APC: variants seen among roughly 807,000 people sequenced by gnomAD.
APC encodes the protein adenomatous polyposis coli protein.
A neutral mutation model predicts 247.0 loss-of-function variants in APC; 72 were observed. The ratio of observed to expected loss-of-function variants is 0.29; its 90% CI spans 0.24 to 0.35. The LOEUF (loss-of-function observed/expected upper bound fraction) is 0.35, where lower values mean the gene tolerates loss of function less well. Among genes scored for constraint, APC ranks in the 10% least tolerant of loss-of-function variants. The pLI, the probability that APC is intolerant of heterozygous loss-of-function variation, is 1.00. For missense variants in APC, 3,400 were observed against 3,360.7 expected (o/e 1.01, Z -0.29); for synonymous variants, 1,254 against 1,162.5 (o/e 1.08, Z -1.60).
chr5:112,741,492 C>T (rs908355162), intron 1 of APC, among the ~76,000 whole-genome samples: 2 of 152,192 alleles, frequency 1.3e-5, no homozygotes, highest in Admixed American at 6.5e-5. Flanking sequence ...GCCTTCTCCC[C>T]TTTATTCTCA....
intron 5 of APC, among the ~76,000 whole-genome samples, chr5:112,778,776 C>G (rs1484253182): frequency 1.3e-5 from 2 of 152,118 alleles, no homozygotes; most frequent in Non-Finnish European, 2.9e-5. Flanking sequence ...ATATCCTGAC[C>G]TCGTGATCCA....
At chr5:112,819,369 T>C (rs2149784447) in intron 10 of APC, 25 bp downstream of exon 10, 1 of 1,613,900 alleles carries the variant, frequency 6.2e-7, no homozygotes, top group Non-Finnish European at 8.5e-7. Flanking sequence ...GTGTACATCG[T>C]AGTGCATGTT....
intron 2 of APC, among the ~76,000 whole-genome samples, chr5:112,763,336 G>C (rs1387642480): frequency 6.9e-6 from 1 of 145,748 alleles, no homozygotes; most frequent in Non-Finnish European, 1.5e-5. Flanking sequence ...ATGCAAACTT[G>C]CATTTGATGA....
intron 9 of APC, 103 bp from the exon 10 acceptor site, chr5:112,818,841 TTTTGGCGGGGGGGGTTGTTTTG>T: frequency 2.2e-6 from 2 of 900,698 alleles, no homozygotes; most frequent in South Asian, 1.5e-5. Context: ...TTTGTTTTTT[TTTTGGCGGGGGGGGTTGTTTTG>T]TTTTTTTAGA....
rs2149891493 is a variant in APC, at chr5:112,839,011, G to A, written c.3417G>A (p.Lys1139=). 1.2e-6 allele frequency: 2 copies of A among 1,614,080 alleles called. No individual in the cohort carries two copies. Among genetic ancestry groups the A allele is most frequent in the Non-Finnish European group, 1.7e-6 (2 of 1,180,024 alleles). The change falls in exon 16 of 16, where the codon AAG becomes AAA. Residue 1139 remains lysine (K), a synonymous_variant. Transcript: ENST00000257430. The surrounding 1 kb of genome is among the most constrained non-coding windows in gnomAD (Gnocchi z 5.0). ...AAGAAGATGACTATGAAGATGATAA[G>A]CCTACCAATTATAGTGAACGTTACT... The part of the protein sequence containing the change: ...LCQEDDYEDD[K]PTNYSERYSE...
At position 112,842,309 on chromosome 5, in the gene APC, A is replaced by C; in HGVS notation, c.6715A>C (p.Ser2239Arg). 1 of 1,613,860 alleles carries C rather than the reference A, an allele frequency of 6.2e-7. No individual in the cohort carries two copies. Among genetic ancestry groups the C allele is most frequent in the Non-Finnish European group, 8.5e-7 (1 of 1,179,772 alleles). The change falls in exon 16 of 16, where the codon AGC becomes CGC. Residue 2239 changes from serine (S) to arginine (R), a missense_variant. Physicochemically the swap from Ser to Arg is moderately radical, Grantham distance 110. This residue lies in a region of APC where 1,788 missense variants were observed against 1,649.5 expected (regional missense o/e 1.08). Transcript: ENST00000257430. Reference protein sequence around the residue: ...TMIHIPGVRNSSSSTSPVSKK... With the variant: ...TMIHIPGVRNRSSSTSPVSKK... ...GATTCATATTCCAGGAGTTCGAAAT[A>C]GCTCCTCAAGTACAAGTCCTGTTTC...
rs1321458509 is a variant in APC at position 112,844,810 on chromosome 5, T to G, written c.*684T>G. 2 of 232,188 alleles carry G rather than the reference T, an allele frequency of 8.6e-6. No individual in the cohort carries two copies. Among genetic ancestry groups the G allele is most frequent in the African/African-American group, 4.4e-5 (2 of 45,306 alleles). 14.4% of individuals were successfully genotyped at this position (232,188 alleles called of 1,614,324 possible). Reference sequence around the variant, plus strand: ...CTGTAAAACATTGAATGAAACTATTTTACCTGAACTAGATTTTATCTGAAA... The same window carrying G: ...CTGTAAAACATTGAATGAAACTATTGTACCTGAACTAGATTTTATCTGAAA... On this transcript the variant is annotated 3_prime_UTR_variant, in exon 16 of 16. Coordinates refer to ENST00000257430, the MANE Select transcript of APC (RefSeq NM_000038.6).
At chr5:112,737,875 C>T (rs1752503341), upstream of APC, 4 of 985,514 alleles carry the variant, frequency 4.1e-6, no homozygotes, top group South Asian at 4.7e-5. Flanking sequence ...GTGCAGCCCG[C>T]CAGGGTGTCA....
At chr5:112,733,119 G>T (rs1355604474), upstream of APC, among the ~76,000 whole-genome samples, 1 of 152,208 alleles carries the variant, frequency 6.6e-6, no homozygotes, top group Non-Finnish European at 1.5e-5. Flanking sequence ...CAGTAGAGTA[G>T]CGAAGAGCTA....
At chr5:112,760,607 GGA>G (rs1755540635) in intron 2 of APC, among the ~76,000 whole-genome samples, 1 of 152,046 alleles carries the variant, frequency 6.6e-6, no homozygotes, top group Admixed American at 6.5e-5. Flanking sequence ...CCTATTAGAG[GGA>G]GACCTACCTA....
Position 112,844,109 on chromosome 5 carries a change from C to T in APC, c.8515C>T (p.Leu2839Phe), listed in dbSNP as rs876658156. ...TCCTAAGCGCCATTCTGGGTCTTAC[C>T]TTGTGACATCTGTTTAAAAGAGAGG... ...QSPKRHSGSY[L>F]VTSV is the part of the protein sequence containing the mutation. Residue 2839 changes from leucine to phenylalanine, a missense_variant, in exon 16 of 16, where the codon CTT (leucine) becomes TTT (phenylalanine). Around this residue, in one of 9 missense-constraint regions of APC, gnomAD observed 1,788 missense variants for 1,649.5 expected, o/e 1.08. Transcript: ENST00000257430. 2 of 1,612,528 alleles carry T rather than the reference C, an allele frequency of 1.2e-6. No individual in the cohort carries two copies. The highest frequency in any genetic ancestry group is 2.2e-5 in the East Asian group (1 of 44,890).
chr5:112,821,581 A>G (rs1379752811), intron 10 of APC, among the ~76,000 whole-genome samples: 1 of 152,022 alleles, frequency 6.6e-6, no homozygotes, highest in Non-Finnish European at 1.5e-5. Flanking sequence ...AAATATTTTT[A>G]TTATTTTGTA....
chr5:112,810,055 G>C (rs934723397), intron 8 of APC: 1 of 445,724 alleles, frequency 2.2e-6, no homozygotes, highest in Non-Finnish European at 4.5e-6. Flanking sequence ...GATGTGAACT[G>C]CCCAAGAGAG....
chr5:112,755,204 G>A, intron 2 of APC, 179 bp downstream of exon 2: 2 of 462,192 alleles, frequency 4.3e-6, no homozygotes, highest in Non-Finnish European at 5.7e-6. Flanking sequence ...AATTCATTCA[G>A]TGAATCATAT....
intron 9 of APC, 150 bp from the exon 10 acceptor site, chr5:112,818,816 A>C: frequency 1.2e-6 from 1 of 847,808 alleles, no homozygotes. Context: ...TCATCCTGGA[A>C]AGGTTTTCCG....
At chr5:112,826,483 T>C (rs1207612630) in intron 11 of APC, among the ~76,000 whole-genome samples, 1 of 151,904 alleles carries the variant, frequency 6.6e-6, no homozygotes, top group Non-Finnish European at 1.5e-5. Context: ...AATCTTAGTA[T>C]AGTTAATATT....
At chr5:112,744,837 T>C (rs1210249546) in intron 1 of APC, among the ~76,000 whole-genome samples, 2 of 152,234 alleles carry the variant, frequency 1.3e-5, no homozygotes, top group African/African-American at 2.4e-5. Context: ...ACAGAAGTTA[T>C]ACAGTCTTTG....
chr5:112,788,248 T>C (rs1005484113), intron 6 of APC, among the ~76,000 whole-genome samples: 22 of 152,338 alleles, frequency 1.4e-4, no homozygotes, highest in African/African-American at 4.6e-4. Context: ...TTTAAAAATG[T>C]AGTATTCTGC....
intron 2 of APC, among the ~76,000 whole-genome samples, chr5:112,764,753 G>C (rs777446776): frequency 6.6e-6 from 1 of 152,044 alleles, no homozygotes; most frequent in Non-Finnish European, 1.5e-5. Flanking sequence ...GATTAAAAAA[G>C]GATTATTGAA....
Sources: gnomAD v4.1 joint callset for allele counts (sites outside exome capture counted in the v4.1 genomes callset) on GRCh38, gnomAD v4.1.1 for gene constraint, gnomAD v4.1.1 regional missense constraint, Gnocchi (gnomAD v3.1) non-coding constraint, MANE v1.5 for transcripts, NCBI Gene and HGNC (gene_info 2026-07-23, HGNC 2026-07-21) for gene names.